Variants in CWC27 observed in about 807,000 individuals in gnomAD.
CWC27 encodes CWC27 spliceosome associated cyclophilin, also known as spliceosome-associated protein CWC27 homolog.
CWC27 carries 47 observed loss-of-function variants against 63.6 expected under a neutral mutation model. That is an observed-to-expected ratio of 0.74 (90% CI 0.58 to 0.94). The LOEUF is 0.94. CWC27 is among the 40% of genes least tolerant of loss of function. CWC27 has a pLI of 0.00. For synonymous variants in CWC27, 175 were observed against 179.8 expected (o/e 0.97, Z 0.22); for missense variants, 495 against 554.3 (o/e 0.89, Z 1.07).
At chr5:64,970,010 A>G (rs1007634327) in intron 11 of CWC27, among the ~76,000 whole-genome samples, 2 of 152,184 alleles carry the variant, frequency 1.3e-5, no homozygotes, top group Admixed American at 6.5e-5. Flanking sequence ...GCCAAGTGAA[A>G]GCACATGAAG....
At chr5:65,018,088 TAGTAG>T (rs554822488) in intron 13 of CWC27, 66 bp from the exon 14 acceptor site, 181 of 1,285,124 alleles carry the variant, frequency 1.4e-4, no homozygotes, top group Non-Finnish European at 1.9e-4. Context: ...ATGTCGATGA[TAGTAG>T]AGTATAGAAT....
chr5:64,874,939 A>C (rs1237388067), intron 10 of CWC27, among the ~76,000 whole-genome samples: 1 of 152,004 alleles, frequency 6.6e-6, no homozygotes, highest in East Asian at 1.9e-4. Flanking sequence ...TGGATTGTGA[A>C]ATAGACATTT....
At chr5:64,802,572 T>C (rs1256261629) in intron 9 of CWC27, among the ~76,000 whole-genome samples, 2 of 152,090 alleles carry the variant, frequency 1.3e-5, no homozygotes, top group African/African-American at 4.8e-5. Flanking sequence ...GGAGGAGAGC[T>C]TGATATAAGA....
intron 10 of CWC27, among the ~76,000 whole-genome samples, chr5:64,865,602 G>A (rs1442855392): frequency 6.6e-6 from 1 of 151,946 alleles, no homozygotes; most frequent in Non-Finnish European, 1.5e-5. Context: ...TTTTGTTATT[G>A]GGATAAACTT....
chr5:64,808,441 A>G, intron 10 of CWC27: 2 of 665,614 alleles, frequency 3.0e-6, no homozygotes, highest in Non-Finnish European at 3.7e-6. Flanking sequence ...CTTATACTGT[A>G]ACTTTCTTGA....
chr5:65,017,290 C>A (rs1314463310), intron 13 of CWC27, among the ~76,000 whole-genome samples: 1 of 152,118 alleles, frequency 6.6e-6, no homozygotes, highest in Non-Finnish European at 1.5e-5. Flanking sequence ...CACTGCACTC[C>A]AGCCTGGGCA....
chr5:64,900,769 C>T (rs998370583), intron 11 of CWC27, among the ~76,000 whole-genome samples: 4 of 151,964 alleles, frequency 2.6e-5, no homozygotes, highest in Admixed American at 6.6e-5. Flanking sequence ...ATACAGTCTG[C>T]GAAATGTGTT....
chr5:65,014,506 A>G (rs2112476594), intron 13 of CWC27, among the ~76,000 whole-genome samples: 1 of 152,026 alleles, frequency 6.6e-6, no homozygotes, highest in African/African-American at 2.4e-5. Flanking sequence ...AAGCTCTACA[A>G]TTTTCATATG....
chr5:64,862,791 C>A (rs1368719003), intron 10 of CWC27, among the ~76,000 whole-genome samples: 1 of 152,094 alleles, frequency 6.6e-6, no homozygotes, highest in Non-Finnish European at 1.5e-5. Context: ...AGAGAAATTT[C>A]TTTCTCTCAG....
chr5:64,934,146 A>T (rs1311493970), intron 11 of CWC27, among the ~76,000 whole-genome samples: 1 of 152,170 alleles, frequency 6.6e-6, no homozygotes, highest in Non-Finnish European at 1.5e-5. Flanking sequence ...ATACATGTGC[A>T]GAACGTGCAG....
chr5:64,872,298 C>A (rs772933001), intron 10 of CWC27, among the ~76,000 whole-genome samples: 2 of 152,156 alleles, frequency 1.3e-5, no homozygotes, highest in African/African-American at 4.8e-5. Flanking sequence ...TCATGCATAA[C>A]TGGTTCAGGA....
chr5:64,929,893 G>A (rs1455816881), intron 11 of CWC27, among the ~76,000 whole-genome samples: 2 of 148,532 alleles, frequency 1.3e-5, no homozygotes, highest in African/African-American at 2.5e-5. Context: ...TTGAAAGCAA[G>A]TGTTTAAAAA....
chr5:64,844,380 A>T (rs1200898649), intron 10 of CWC27, among the ~76,000 whole-genome samples: 1 of 152,074 alleles, frequency 6.6e-6, no homozygotes, highest in Non-Finnish European at 1.5e-5. Context: ...CTCATAGTTG[A>T]CCCCCAAAGC....
chr5:65,017,464 C>T (rs1319281633), intron 13 of CWC27, among the ~76,000 whole-genome samples: 2 of 152,182 alleles, frequency 1.3e-5, no homozygotes, highest in African/African-American at 4.8e-5. Flanking sequence ...AGATAGCTAG[C>T]TTATGACTTC....
intron 11 of CWC27, among the ~76,000 whole-genome samples, chr5:64,938,843 A>G: frequency 6.6e-6 from 1 of 151,904 alleles, no homozygotes; most frequent in East Asian, 1.9e-4. Flanking sequence ...TTCACGCTTT[A>G]TTTCATTAAG....
intron 11 of CWC27, among the ~76,000 whole-genome samples, chr5:64,942,192 G>A (rs1748496372): frequency 1.3e-5 from 2 of 151,722 alleles, no homozygotes; most frequent in East Asian, 3.9e-4. Flanking sequence ...TTAGGAGGCT[G>A]AGACAGGAGT....
rs1462407757 is a variant in CWC27, at chr5:64,993,214, G to A, written c.1256+15976G>A. 2.0e-5 allele frequency among the ~76,000 whole-genome samples: 3 copies of A among 152,146 alleles called. No homozygotes were observed. In the East Asian group the frequency reaches 5.8e-4, roughly 29 times the overall value. On this transcript the variant is annotated intron_variant, in intron 13 of 13. Coordinates refer to ENST00000381070, the MANE Select transcript of CWC27 (RefSeq NM_005869.4). ...GTAGGTGTGAGAGAGGGAAGTGGGG[G>A]TGCATGGTACTAGGGTAGTATTGGT...
chr5:64,920,541 C>T (rs1747977831), intron 11 of CWC27, among the ~76,000 whole-genome samples: 1 of 152,110 alleles, frequency 6.6e-6, no homozygotes, highest in African/African-American at 2.4e-5. Flanking sequence ...GGTACTAGCT[C>T]TTCTTTTAGG....
chr5:64,915,554 G>A (rs1747873762), intron 11 of CWC27, among the ~76,000 whole-genome samples: 1 of 152,020 alleles, frequency 6.6e-6, no homozygotes, highest in African/African-American at 2.4e-5. Context: ...AACACACACA[G>A]ACAGGCAAGA....
Sources: gnomAD v4.1 joint callset for allele counts (sites outside exome capture counted in the v4.1 genomes callset) on GRCh38, gnomAD v4.1.1 for gene constraint, MANE v1.5 for transcripts, NCBI Gene and HGNC (gene_info 2026-07-23, HGNC 2026-07-21) for gene names.